CSMD1: variants seen among roughly 807,000 people sequenced by gnomAD.
CSMD1 encodes the protein CUB and sushi domain-containing protein 1.
In CSMD1, 213 loss-of-function variants were observed where a neutral mutation model predicts 417.5. The observed-to-expected ratio is 0.51, with a 90% CI of 0.46 to 0.57. The LOEUF (loss-of-function observed/expected upper bound fraction) is 0.57, where lower values mean the gene tolerates loss of function less well. Ranked by LOEUF, CSMD1 falls within the 20% of genes least tolerant of loss-of-function variation. The probability of loss-of-function intolerance (pLI) is 0.00; values close to 1 mark genes in which losing one functional copy is unlikely to be tolerated. For synonymous variants in CSMD1, 2,862 were observed against 1,736.8 expected, an observed-to-expected ratio of 1.65 and a Z score of -16.11; for missense variants, 6,923 against 4,529.7, an observed-to-expected ratio of 1.53 and a Z score of -15.17.
At chr8:4,850,043 A>G (rs1237369727) in intron 1 of CSMD1, among the ~76,000 whole-genome samples, 1 of 152,156 alleles carries the variant, frequency 6.6e-6, no homozygotes, top group African/African-American at 2.4e-5. Flanking sequence ...CGTACGTACT[A>G]TACTTGGCTT....
intron 54 of CSMD1, among the ~76,000 whole-genome samples, chr8:2,991,187 G>T (rs601027): frequency 6.6e-6 from 1 of 152,028 alleles, no homozygotes; most frequent in African/African-American, 2.4e-5. Context: ...ACTTTATGTA[G>T]AAACTACATT....
intron 2 of CSMD1, among the ~76,000 whole-genome samples, chr8:4,602,245 AT>A (rs1376927537): frequency 2.0e-5 from 3 of 152,110 alleles, no homozygotes; most frequent in Non-Finnish European, 4.4e-5. Flanking sequence ...GTTGGGAGTT[AT>A]TTTAGAAGAG....
chr8:4,567,037 G>A (rs562422906), intron 2 of CSMD1, among the ~76,000 whole-genome samples: 152 of 152,250 alleles, frequency 1.0e-3, no homozygotes, highest in African/African-American at 3.1e-3. Context: ...GGCGTCCTAC[G>A]GAGAAGTATT....
chr8:3,866,549 G>T (rs564018431), intron 5 of CSMD1, among the ~76,000 whole-genome samples: 51 of 152,264 alleles, frequency 3.3e-4, no homozygotes, highest in African/African-American at 1.1e-3. Context: ...GTCTTTAAAT[G>T]ACCTTTTTAG....
chr8:3,853,928 T>G (rs1246853156), intron 5 of CSMD1, among the ~76,000 whole-genome samples: 2 of 146,780 alleles, frequency 1.4e-5, no homozygotes. Context: ...TATAATATAT[T>G]AATATATTAA....
At chr8:3,373,522 G>C (rs1810108815) in intron 18 of CSMD1, 1 of 152,186 alleles carries the variant, frequency 6.6e-6, no homozygotes, top group Admixed American at 6.5e-5. Context: ...ATGGAGAATT[G>C]AATTGGTATT....
chr8:4,652,910 G>A (rs930937076), intron 1 of CSMD1, among the ~76,000 whole-genome samples: 1 of 151,434 alleles, frequency 6.6e-6, no homozygotes, highest in African/African-American at 2.5e-5. Context: ...TGCTGATGTG[G>A]TGGGGTGGAG....
chr8:4,147,778 C>A (rs1038175327), intron 3 of CSMD1, among the ~76,000 whole-genome samples: 4 of 152,084 alleles, frequency 2.6e-5, no homozygotes, highest in African/African-American at 7.2e-5. Flanking sequence ...CATGTGAGAT[C>A]AGAGCCTGAC....
intron 1 of CSMD1, among the ~76,000 whole-genome samples, chr8:4,758,053 T>C (rs1454927660): frequency 6.6e-6 from 1 of 152,100 alleles, no homozygotes; most frequent in Non-Finnish European, 1.5e-5. Context: ...GGATATCTTC[T>C]TTCCTTCTCT....
chr8:4,644,774 C>G (rs1235690422), intron 1 of CSMD1, among the ~76,000 whole-genome samples: 1 of 152,206 alleles, frequency 6.6e-6, no homozygotes, highest in Non-Finnish European at 1.5e-5. Context: ...CTTGCTTACG[C>G]ATTGATGATC....
intron 12 of CSMD1, among the ~76,000 whole-genome samples, chr8:3,420,490 G>T (rs1187289915): frequency 6.7e-6 from 1 of 148,708 alleles, no homozygotes; most frequent in African/African-American, 2.4e-5. Context: ...TTTCCATGTT[G>T]TGATGCATGT....
chr8:3,781,165 G>C (rs1182916767), intron 5 of CSMD1, among the ~76,000 whole-genome samples: 1 of 152,138 alleles, frequency 6.6e-6, no homozygotes, highest in Admixed American at 6.5e-5. Context: ...ACAAGACAAA[G>C]ATTGGTGATT....
chr8:4,542,930 C>T (rs1358252489), intron 2 of CSMD1, among the ~76,000 whole-genome samples: 2 of 152,044 alleles, frequency 1.3e-5, no homozygotes, highest in Non-Finnish European at 2.9e-5. Context: ...CTTCAGGGCA[C>T]CTGCCTCCAT....
intron 1 of CSMD1, among the ~76,000 whole-genome samples, chr8:4,872,855 G>C (rs1288173156): frequency 1.3e-5 from 2 of 152,022 alleles, no homozygotes; most frequent in Non-Finnish European, 2.9e-5. Flanking sequence ...ACACTTGCTG[G>C]ATATTGGCTC....
chr8:3,763,869 G>T (rs920547837), intron 5 of CSMD1, among the ~76,000 whole-genome samples: 5 of 152,218 alleles, frequency 3.3e-5, no homozygotes, highest in Admixed American at 2.0e-4. Flanking sequence ...CAAAGCCTTA[G>T]ACCTCAGCAC....
chr8:4,535,752 T>C (rs1431195651), intron 2 of CSMD1, among the ~76,000 whole-genome samples: 1 of 152,204 alleles, frequency 6.6e-6, no homozygotes, highest in Non-Finnish European at 1.5e-5. Context: ...GTACTCATTG[T>C]TAATAGGTTA....
intron 3 of CSMD1, among the ~76,000 whole-genome samples, chr8:4,355,762 TC>T (rs1441505619): frequency 3.9e-5 from 6 of 152,208 alleles, no homozygotes; most frequent in African/African-American, 1.4e-4. Context: ...GCTCTGTTTC[TC>T]CAGTGTCATT....
chr8:4,482,766 T>C (rs540208709), intron 2 of CSMD1, among the ~76,000 whole-genome samples: 5 of 152,344 alleles, frequency 3.3e-5, no homozygotes, highest in Admixed American at 1.3e-4. Flanking sequence ...TGTTATTTTT[T>C]GACTTGTTTA....
At chr8:4,094,167 A>G (rs11786984) in intron 3 of CSMD1, among the ~76,000 whole-genome samples, 54,432 of 151,848 alleles carry the variant, frequency 0.36, 10,534 homozygotes, top group Non-Finnish European at 0.43. Context: ...GTGCACACGA[A>G]TGTGGTGAGC....
Sources: gnomAD v4.1 joint callset for allele counts (sites outside exome capture counted in the v4.1 genomes callset) on GRCh38, gnomAD v4.1.1 for gene constraint, MANE v1.5 for transcripts, NCBI Gene and HGNC (gene_info 2026-07-23, HGNC 2026-07-21) for gene names.